JARID2: variants seen among roughly 807,000 people sequenced by gnomAD.
JARID2 encodes the protein protein Jumonji.
In JARID2, 21 loss-of-function variants were observed where a neutral mutation model predicts 125.6. That is an observed-to-expected ratio of 0.17 (90% CI 0.12 to 0.24). The LOEUF is 0.24. JARID2 is among the 10% of genes least tolerant of loss of function. JARID2 has a pLI of 1.00. For missense variants in JARID2, 1,303 were observed against 1,639.6 expected, an observed-to-expected ratio of 0.79 and a Z score of 3.55; for synonymous variants, 736 against 661.6, an observed-to-expected ratio of 1.11 and a Z score of -1.73.
At chr6:15,375,155 G>C (rs953149120) in intron 2 of JARID2, among the ~76,000 whole-genome samples, 5 of 152,172 alleles carry the variant, frequency 3.3e-5, no homozygotes, top group African/African-American at 7.2e-5. Flanking sequence ...TAGTTGTATG[G>C]TGAGTTGTCT....
chr6:15,282,456 G>A (rs1057342679), intron 1 of JARID2, among the ~76,000 whole-genome samples: 3 of 152,058 alleles, frequency 2.0e-5, no homozygotes, highest in African/African-American at 4.8e-5. Context: ...TCTGTCAGCT[G>A]TCCATATTTT....
chr6:15,270,779 C>T (rs558561652), intron 1 of JARID2, among the ~76,000 whole-genome samples: 105 of 152,124 alleles, frequency 6.9e-4, no homozygotes, highest in African/African-American at 2.3e-3. Context: ...GAAACCCTGT[C>T]TCTACTAAAA....
chr6:15,407,387 C>CA (rs1765693652), intron 2 of JARID2, among the ~76,000 whole-genome samples: 1 of 152,160 alleles, frequency 6.6e-6, no homozygotes, highest in African/African-American at 2.4e-5. Context: ...GTTTGAGAGT[C>CA]ACTTCTCTTT....
chr6:15,288,636 G>A (rs1017713921), intron 1 of JARID2, among the ~76,000 whole-genome samples: 3 of 152,172 alleles, frequency 2.0e-5, no homozygotes, highest in African/African-American at 4.8e-5. Context: ...GTTTCTCAGT[G>A]GCTCACACAT....
intron 4 of JARID2, among the ~76,000 whole-genome samples, chr6:15,454,994 T>C (rs1768092200): frequency 6.6e-6 from 1 of 152,116 alleles, no homozygotes; most frequent in South Asian, 2.1e-4. Flanking sequence ...CAGAAGGATG[T>C]ATTTGCCCTA....
At chr6:15,260,388 G>T (rs1174886388) in intron 1 of JARID2, among the ~76,000 whole-genome samples, 1 of 152,126 alleles carries the variant, frequency 6.6e-6, no homozygotes, top group East Asian at 1.9e-4. Flanking sequence ...AACCATTGTG[G>T]TTTAAACTTA....
chr6:15,406,763 A>AT lies in JARID2; in HGVS notation c.182-3458dup, dbSNP rs1352902558. Reference sequence around the variant, plus strand: ...AAATCTCTTCATAAAATTACCCCTAATTTATACTTAAGCAATTGATTTGCA... The same window carrying AT: ...AAATCTCTTCATAAAATTACCCCTAATTTTATACTTAAGCAATTGATTTGCA... On this transcript the variant is annotated intron_variant, in intron 2 of 17. Coordinates refer to ENST00000341776, the MANE Select transcript of JARID2 (RefSeq NM_004973.4). 3.9e-5 allele frequency among the ~76,000 whole-genome samples: 6 copies of AT among 152,288 alleles called. No homozygotes were observed. In the East Asian group the frequency reaches 1.2e-3, roughly 29 times the overall value.
intron 4 of JARID2, among the ~76,000 whole-genome samples, chr6:15,460,983 G>T (rs995667425): frequency 6.6e-6 from 1 of 152,190 alleles, no homozygotes; most frequent in Non-Finnish European, 1.5e-5. Context: ...GGGATTACAG[G>T]CGTGAGCCAC....
chr6:15,286,433 C>T (rs1581370841), intron 1 of JARID2, among the ~76,000 whole-genome samples: 1 of 151,294 alleles, frequency 6.6e-6, no homozygotes, highest in South Asian at 2.1e-4. Context: ...TGTATTTTTA[C>T]TAGAGACGGG....
chr6:15,470,952 T>G (rs551527654), intron 5 of JARID2, among the ~76,000 whole-genome samples: 37 of 152,298 alleles, frequency 2.4e-4, no homozygotes, highest in African/African-American at 8.9e-4. Flanking sequence ...TGTTGATGAT[T>G]TTAGATGTGG....
intron 17 of JARID2, among the ~76,000 whole-genome samples, chr6:15,518,261 A>G (rs1484391245): frequency 6.6e-6 from 1 of 152,124 alleles, no homozygotes; most frequent in African/African-American, 2.4e-5. Context: ...GCTGCCTGGA[A>G]AGCGCTCTGT....
intron 1 of JARID2, among the ~76,000 whole-genome samples, chr6:15,283,200 G>T (rs896286183): frequency 4.7e-5 from 7 of 148,846 alleles, no homozygotes; most frequent in African/African-American, 7.5e-5. Flanking sequence ...GGACGGTCTC[G>T]ATCTGCCGAC....
intron 3 of JARID2, among the ~76,000 whole-genome samples, chr6:15,435,099 A>G (rs1767146220): frequency 6.6e-6 from 1 of 152,290 alleles, no homozygotes; most frequent in South Asian, 2.1e-4. Context: ...ATTTGTTTTA[A>G]CATAGTCTGA....
intron 2 of JARID2, among the ~76,000 whole-genome samples, chr6:15,381,561 A>C (rs929440211): frequency 6.6e-6 from 1 of 152,166 alleles, no homozygotes; most frequent in African/African-American, 2.4e-5. Flanking sequence ...GGTGAAATGA[A>C]GGGCTTCAAT....
Position 15,507,208 on chromosome 6 carries a change from A to G in JARID2, c.2614A>G (p.Thr872Ala). The G allele has an allele frequency of 6.2e-7, 1 of 1,613,918 alleles. No individual in the cohort carries two copies. The highest frequency in any genetic ancestry group is 8.5e-7 in the Non-Finnish European group (1 of 1,179,860). ...GCACTGCGGCAAGGTGGACACCAACACTCACGGCAGTGGATTCCCAGTAGG... is the reference window on the plus strand; with the variant it reads ...GCACTGCGGCAAGGTGGACACCAACGCTCACGGCAGTGGATTCCCAGTAGG... ...AVHCGKVDTN[T>A]HGSGFPVGKS... is the part of the protein sequence containing the mutation. The change falls in exon 10 of 18, where the codon ACT (threonine) becomes GCT (alanine). Residue 872 changes from threonine (T) to alanine (A), a missense_variant. Thr to Ala is a moderately conservative substitution (Grantham distance 58). This residue lies in a region of JARID2 where 27 missense variants were observed against 108.7 expected (regional missense o/e 0.25). Transcript: ENST00000341776.
chr6:15,300,540 C>G (rs1277435847), intron 1 of JARID2, among the ~76,000 whole-genome samples: 1 of 152,118 alleles, frequency 6.6e-6, no homozygotes, highest in Non-Finnish European at 1.5e-5. Flanking sequence ...CCTTCTTTAA[C>G]CGCTTGCAGC....
At chr6:15,248,942 C>T in intron 1 of JARID2, 2 of 985,692 alleles carry the variant, frequency 2.0e-6, no homozygotes, top group Non-Finnish European at 2.4e-6. Context: ...CCTTCCGCTC[C>T]GGAGCGTCGC....
chr6:15,254,266 G>A (rs1199377494), intron 1 of JARID2, among the ~76,000 whole-genome samples: 1 of 152,114 alleles, frequency 6.6e-6, no homozygotes, highest in Non-Finnish European at 1.5e-5. Context: ...CACATTCTTG[G>A]GTGTATCTGA....
chr6:15,487,123 C>T (rs144685300), intron 5 of JARID2, among the ~76,000 whole-genome samples, 184 bp from the exon 6 acceptor site: 418 of 152,194 alleles, frequency 2.7e-3, no homozygotes, highest in African/African-American at 9.6e-3. Flanking sequence ...CTTGTTATCA[C>T]GAGAACAGCA....
Sources: allele counts gnomAD v4.1 joint callset (sites outside exome capture counted in the v4.1 genomes callset), GRCh38; gene constraint gnomAD v4.1.1; regional missense constraint gnomAD v4.1.1; transcripts MANE v1.5; gene names NCBI Gene and HGNC (gene_info 2026-07-23, HGNC 2026-07-21).